Variants in PUDP observed in about 807,000 individuals in gnomAD.
PUDP encodes pseudouridine-5'-phosphatase.
PUDP carries 8 observed loss-of-function variants against 9.4 expected under a neutral mutation model. The observed-to-expected ratio is 0.85, with a 90% CI of 0.50 to 1.53. The LOEUF (loss-of-function observed/expected upper bound fraction) is 1.53, where lower values mean the gene tolerates loss of function less well. Among genes scored for constraint, PUDP ranks in the 40% most tolerant of loss-of-function variants. PUDP has a pLI of 0.00. For missense variants in PUDP, 188 were observed against 189.7 expected, an observed-to-expected ratio of 0.99 and a Z score of 0.05; for synonymous variants, 99 against 80.7, an observed-to-expected ratio of 1.23 and a Z score of -1.22.
intron 1 of PUDP, among the ~76,000 whole-genome samples, chrX:7,008,111 C>A (rs1347951570): frequency 9.1e-6 from 1 of 109,550 alleles, no homozygotes; most frequent in Non-Finnish European, 1.9e-5. Flanking sequence ...CTACAGGCAC[C>A]CACCACCACG....
chrX:7,143,942 A>G (rs1932822609), intron 1 of PUDP, among the ~76,000 whole-genome samples: 1 of 111,482 alleles, frequency 9.0e-6, no homozygotes, highest in South Asian at 3.8e-4. Context: ...CCAAGGGTAC[A>G]CTGTCAGCCT....
rs200866306 is a variant in PUDP, at chrX:6,951,275, AATCT to A, written c.*247+25854_*247+25857del. On this transcript the variant is annotated intron_variant and NMD_transcript_variant, in intron 3 of 3. Transcript: ENST00000655425. The stretch of plus-strand genomic sequence containing the variant: ...TATCTATCTATCTATCTATCTATCT[AATCT>A]ATCTATCCATCCATCCATCCATCCA... Among the ~76,000 whole-genome samples, 898 of 103,668 alleles carry A rather than the reference AATCT, an allele frequency of 8.7e-3. 8 individuals carry two copies. Among genetic ancestry groups the A allele is most frequent in the African/African-American group, 0.03 (823 of 27,142 alleles). 90.0% of individuals were successfully genotyped at this position (103,668 alleles called of 115,157 possible).
intron 1 of PUDP, among the ~76,000 whole-genome samples, chrX:6,994,783 C>T (rs931629969): frequency 1.4e-4 from 15 of 111,086 alleles, no homozygotes; most frequent in African/African-American, 4.9e-4. Flanking sequence ...ATTTTTTCAC[C>T]CTATCGAAAA....
intron 3 of PUDP, among the ~76,000 whole-genome samples, chrX:6,752,518 AC>A (rs1437158061): frequency 5.4e-5 from 6 of 111,889 alleles, no homozygotes; most frequent in Non-Finnish European, 7.5e-5. Context: ...TAACTAGGAA[AC>A]TGTAGAGACA....
intron 3 of PUDP, among the ~76,000 whole-genome samples, chrX:6,938,989 A>G (rs1190190889): frequency 9.1e-6 from 1 of 110,404 alleles, no homozygotes; most frequent in Non-Finnish European, 1.9e-5. Flanking sequence ...TATGCCAAAA[A>G]TTATCTTTTT....
At chrX:6,987,155 C>T (rs1430745632) in intron 1 of PUDP, among the ~76,000 whole-genome samples, 1 of 112,065 alleles carries the variant, frequency 8.9e-6, no homozygotes. Flanking sequence ...TGGATGTGGA[C>T]AGAGCAGCAG....
chrX:7,142,083 C>T (rs1215985433), intron 1 of PUDP, among the ~76,000 whole-genome samples: 5 of 112,335 alleles, frequency 4.5e-5, no homozygotes, highest in African/African-American at 6.5e-5. Flanking sequence ...CCTGCTAACA[C>T]GACATCTACT....
chrX:7,070,260 T>G (rs1351937427), intron 3 of PUDP, among the ~76,000 whole-genome samples: 2 of 111,851 alleles, frequency 1.8e-5, no homozygotes, highest in East Asian at 5.6e-4. Flanking sequence ...GTTATTACGG[T>G]TTTTTAAATA....
intron 1 of PUDP, among the ~76,000 whole-genome samples, chrX:7,009,944 A>G (rs2146813861): frequency 8.9e-6 from 1 of 111,908 alleles, no homozygotes; most frequent in South Asian, 3.8e-4. Flanking sequence ...AAATTTTAAT[A>G]TGTCATTGAA....
At chrX:7,082,014 G>C (rs1402869317) in intron 2 of PUDP, among the ~76,000 whole-genome samples, 2 of 112,463 alleles carry the variant, frequency 1.8e-5, no homozygotes, top group African/African-American at 6.5e-5. Flanking sequence ...AGAAGTAAAA[G>C]ACGAAAAAAT....
intron 1 of PUDP, chrX:7,116,854 G>A (rs1932208180): frequency 1.9e-6 from 2 of 1,073,214 alleles, no homozygotes; most frequent in East Asian, 6.7e-5. Context: ...TGATCAGTGA[G>A]CTCTTGCTCT....
chrX:7,140,079 A>G (rs1305970665), intron 1 of PUDP, among the ~76,000 whole-genome samples: 1 of 112,379 alleles, frequency 8.9e-6, no homozygotes, highest in Non-Finnish European at 1.9e-5. Flanking sequence ...CCAGCTATGA[A>G]AAGCCATGGG....
chrX:6,770,318 G>C (rs1407038909), intron 3 of PUDP, among the ~76,000 whole-genome samples: 1 of 112,175 alleles, frequency 8.9e-6, no homozygotes, highest in Non-Finnish European at 1.9e-5. Context: ...CAACAGAGAT[G>C]CTGTGGCCTA....
At chrX:7,010,966 A>C (rs1929468465) in intron 1 of PUDP, among the ~76,000 whole-genome samples, 1 of 112,448 alleles carries the variant, frequency 8.9e-6, no homozygotes, top group Admixed American at 9.4e-5. Context: ...CAACAAAACC[A>C]GTGCCAAGCC....
intron 1 of PUDP, among the ~76,000 whole-genome samples, chrX:7,020,513 A>C (rs1244135372): frequency 9.0e-6 from 1 of 111,218 alleles, no homozygotes; most frequent in Non-Finnish European, 1.9e-5. Flanking sequence ...AAGACTTCTC[A>C]TGTCTTCAGC....
In PUDP at chrX:6,720,283, TATATAC is replaced by T. The variant is rs1378736497; in HGVS notation, n.128+1128_128+1133del. Among the ~76,000 whole-genome samples the T allele has an allele frequency of 3.0e-3, 274 of 90,177 alleles. 3 individuals are homozygous for T. The highest frequency in any genetic ancestry group is 0.011 in the African/African-American group (256 of 23,609). The allele number at this position is 90,177 out of a possible 115,157, so 78.3% of individuals were successfully genotyped here. Reference sequence around the variant, plus strand: ...GTATATATATATATATATATATATATATATACACACACACACATAAATATGAATAGT... The same window carrying T: ...GTATATATATATATATATATATATATACACACACACATAAATATGAATAGT... On this transcript the variant is annotated intron_variant and non_coding_transcript_variant, in intron 1 of 2. Coordinates refer to the PUDP transcript ENST00000438499.
chrX:7,027,460 A>G lies in PUDP; in HGVS notation c.205-49117T>C, dbSNP rs1489332160. Among the ~76,000 whole-genome samples the G allele has an allele frequency of 2.3e-4, 24 of 105,276 alleles. No individual in the cohort carries two copies. In the East Asian group the frequency reaches 2.4e-3, roughly 11 times the overall value. 91.4% of individuals were successfully genotyped at this position (105,276 alleles called of 115,157 possible). ...ACTTGCAAAGCAGGAATACATATAT[A>G]TGTGTGTGTGTGTGTGTGAGTGTAT... On this transcript the variant is annotated intron_variant and NMD_transcript_variant, in intron 1 of 3. Transcript: ENST00000655425.
intron 1 of PUDP, among the ~76,000 whole-genome samples, chrX:7,111,857 A>G (rs771296968): frequency 9.0e-6 from 1 of 111,635 alleles, no homozygotes; most frequent in Non-Finnish European, 1.9e-5. Context: ...TGGAATCATT[A>G]GGGAATGCTT....
chrX:6,748,260 C>T lies in PUDP; in HGVS notation c.*248-41794G>A, dbSNP rs374861496. On this transcript the variant is annotated intron_variant and NMD_transcript_variant, in intron 3 of 3. Transcript: ENST00000655425. Reference sequence around the variant, plus strand: ...AGTTGTCTCTGAAATACAGAGCCCTCGGGCCCAGAGTCTGAATAATTGCTG... The same window carrying T: ...AGTTGTCTCTGAAATACAGAGCCCTTGGGCCCAGAGTCTGAATAATTGCTG... 5.4e-5 allele frequency among the ~76,000 whole-genome samples: 6 copies of T among 111,897 alleles called. No individual in the cohort carries two copies. In the South Asian group the frequency reaches 2.3e-3, roughly 42 times the overall value.
Sources: gnomAD v4.1 joint callset for allele counts (sites outside exome capture counted in the v4.1 genomes callset) on GRCh38, gnomAD v4.1.1 for gene constraint, MANE v1.5 for transcripts, NCBI Gene and HGNC (gene_info 2026-07-23, HGNC 2026-07-21) for gene names.